RPS3: variants seen among roughly 807,000 people sequenced by gnomAD.
RPS3 encodes the protein ribosomal protein S3.
In RPS3, 2 loss-of-function variants were observed where a neutral mutation model predicts 25.8. That is an observed-to-expected ratio of 0.08 (90% CI 0.03 to 0.24). The LOEUF is 0.24. Among genes scored for constraint, RPS3 ranks in the 10% least tolerant of loss-of-function variants. RPS3 has a pLI of 1.00. For synonymous variants in RPS3, 114 were observed against 114.2 expected (o/e 1.00, Z 0.01); for missense variants, 107 against 307.1 (o/e 0.35, Z 4.87).
At chr11:75,405,321 CTG>C (rs1433488613) in intron 6 of RPS3, 1 of 225,682 alleles carries the variant, frequency 4.4e-6, no homozygotes, top group Non-Finnish European at 8.8e-6. Flanking sequence ...AGGTGAGCCA[CTG>C]TGCTTGGCTG....
rs138295736 is a variant in RPS3, at chr11:75,405,539, G to C, written c.*4-75G>C. ...GTTGCTGCAAACCCTAAGTGGGAGTGTGTATCCATTTGGTAAATCAGGAAC... is the reference window on the plus strand; with the variant it reads ...GTTGCTGCAAACCCTAAGTGGGAGTCTGTATCCATTTGGTAAATCAGGAAC... On this transcript the variant is annotated intron_variant, in intron 6 of 6. Coordinates refer to ENST00000531188, the MANE Select transcript of RPS3 (RefSeq NM_001005.5). The C allele has an allele frequency of 1.3e-5, 6 of 451,812 alleles. No homozygotes were observed. The East Asian group carries it at 4.2e-4, about 31-fold the overall frequency. The allele number at this position is 451,812 out of a possible 1,614,324, so 28.0% of individuals were successfully genotyped here.
At chr11:75,414,393 C>T (rs542722113) in intron 6 of RPS3, among the ~76,000 whole-genome samples, 51 of 152,282 alleles carry the variant, frequency 3.3e-4, no homozygotes, top group African/African-American at 8.9e-4. Flanking sequence ...AGGCGGATCA[C>T]GAGGTCAGGA....
rs1592020109 is a variant in RPS3, at chr11:75,400,610, A to G, written c.31-84A>G. On this transcript the variant is annotated intron_variant, in intron 1 of 6. Transcript: ENST00000531188. ...GGTATTTAGTTTTGGTGAGGGATGC[A>G]TTGACTAATAAGACTAGACTGGCTC... 9 of 1,577,574 alleles carry G rather than the reference A, an allele frequency of 5.7e-6. No homozygotes were observed. In the East Asian group the frequency reaches 1.4e-4, roughly 24 times the overall value.
intron 3 of RPS3, chr11:75,402,088 T>C: frequency 1.8e-6 from 1 of 564,518 alleles, no homozygotes; most frequent in Non-Finnish European, 3.2e-6. Flanking sequence ...ATGCTGTATA[T>C]GATGGTGGTG....
At chr11:75,409,827 C>A (rs1440798972), downstream of RPS3, among the ~76,000 whole-genome samples, 1 of 147,896 alleles carries the variant, frequency 6.8e-6, no homozygotes, top group African/African-American at 2.5e-5. Flanking sequence ...GACCCCCCCA[C>A]CTCCCTCCCG....
chr11:75,419,866 T>C (rs1396323816), intron 6 of RPS3, among the ~76,000 whole-genome samples: 2 of 152,184 alleles, frequency 1.3e-5, no homozygotes, highest in African/African-American at 4.8e-5. Flanking sequence ...ACTGCTAATC[T>C]CAGGTGAACC....
At chr11:75,402,300 T>C (rs750876728) in intron 3 of RPS3, 52 bp from the exon 4 acceptor site, 3 of 1,596,110 alleles carry the variant, frequency 1.9e-6, no homozygotes, top group East Asian at 2.3e-5. Context: ...TTTTCAACTT[T>C]CAGTTGAAAA....
chr11:75,421,048 TATG>T (rs1038231393), intron 6 of RPS3, among the ~76,000 whole-genome samples: 1 of 152,176 alleles, frequency 6.6e-6, no homozygotes, highest in African/African-American at 2.4e-5. Flanking sequence ...AGGCCAGTGA[TATG>T]ATGCCTTCTT....
downstream of RPS3, among the ~76,000 whole-genome samples, chr11:75,410,050 G>A (rs1358240204): frequency 6.3e-5 from 9 of 142,532 alleles, no homozygotes; most frequent in South Asian, 2.2e-4. Flanking sequence ...CGGACGGGGC[G>A]GCTGGCCAGG....
At chr11:75,411,726 T>G (rs548321181), downstream of RPS3, among the ~76,000 whole-genome samples, 9 of 152,284 alleles carry the variant, frequency 5.9e-5, no homozygotes, top group Admixed American at 3.9e-4. Flanking sequence ...GAGTTGAAAA[T>G]GCTTGTTGCT....
At chr11:75,420,517 A>T (rs1461242566) in intron 6 of RPS3, among the ~76,000 whole-genome samples, 1 of 152,132 alleles carries the variant, frequency 6.6e-6, no homozygotes, top group Non-Finnish European at 1.5e-5. Flanking sequence ...CCAGGTCTGA[A>T]TCCTGGCTCT....
At chr11:75,399,819 GA>G in intron 1 of RPS3, 2 of 559,216 alleles carry the variant, frequency 3.6e-6, no homozygotes, top group Non-Finnish European at 6.3e-6. Flanking sequence ...TTCTGTCCCG[GA>G]GAAGGCGTTT....
intron 6 of RPS3, among the ~76,000 whole-genome samples, chr11:75,412,355 T>C (rs2135067221): frequency 6.6e-6 from 1 of 152,342 alleles, no homozygotes; most frequent in South Asian, 2.1e-4. Flanking sequence ...CTATTGCCTT[T>C]CCTGGCTGGA....
chr11:75,400,070 T>A (rs1022640181), intron 1 of RPS3, among the ~76,000 whole-genome samples: 2 of 152,170 alleles, frequency 1.3e-5, no homozygotes, highest in African/African-American at 4.8e-5. Flanking sequence ...GCCTTGTCAT[T>A]ACATGGGATA....
At chr11:75,420,263 C>A (rs1948432076) in intron 6 of RPS3, among the ~76,000 whole-genome samples, 1 of 152,176 alleles carries the variant, frequency 6.6e-6, no homozygotes, top group South Asian at 2.1e-4. Context: ...AGGAGCTTAG[C>A]ACACCTGGGG....
downstream of RPS3, among the ~76,000 whole-genome samples, chr11:75,410,077 C>A (rs1200031022): frequency 2.8e-5 from 4 of 141,936 alleles, no homozygotes; most frequent in Admixed American, 1.3e-4. Context: ...GCTGACCCCC[C>A]CCTCCCCCCT....
chr11:75,399,673 C>T (rs781172604), intron 1 of RPS3, 96 bp downstream of exon 1: 295 of 1,116,968 alleles, frequency 2.6e-4, no homozygotes, highest in Non-Finnish European at 3.7e-4. Context: ...CCGTGGCCTG[C>T]CCTGGAAGCG....
chr11:75,409,822 C>T (rs1323609446), downstream of RPS3, among the ~76,000 whole-genome samples: 1 of 150,702 alleles, frequency 6.6e-6, no homozygotes, highest in African/African-American at 2.4e-5. Context: ...GGGCTGACCC[C>T]CCCACCTCCC....
intron 6 of RPS3, among the ~76,000 whole-genome samples, chr11:75,415,319 C>T (rs544209356): frequency 8.8e-4 from 134 of 152,316 alleles, no homozygotes; most frequent in African/African-American, 3.1e-3. Flanking sequence ...ACTACTAATA[C>T]GCATTTCTGT....
Sources: gnomAD v4.1 joint callset for allele counts (sites outside exome capture counted in the v4.1 genomes callset) on GRCh38, gnomAD v4.1.1 for gene constraint, MANE v1.5 for transcripts, NCBI Gene and HGNC (gene_info 2026-07-23, HGNC 2026-07-21) for gene names.